RIMS1: variants seen among roughly 807,000 people sequenced by gnomAD.
RIMS1 encodes regulating synaptic membrane exocytosis 1.
In RIMS1, 83 loss-of-function variants were observed where a neutral mutation model predicts 214.1. The ratio of observed to expected loss-of-function variants is 0.39; its 90% CI spans 0.32 to 0.47. RIMS1 has a LOEUF of 0.47. Ranked by LOEUF, RIMS1 falls within the 20% of genes least tolerant of loss-of-function variation. RIMS1 has a pLI of 0.99. For missense variants in RIMS1, 2,050 were observed against 2,161.8 expected (o/e 0.95, Z 1.03); for synonymous variants, 793 against 786.8 (o/e 1.01, Z -0.13).
At chr6:72,225,487 G>A (rs574570196) in intron 6 of RIMS1, among the ~76,000 whole-genome samples, 16 of 152,210 alleles carry the variant, frequency 1.1e-4, no homozygotes, top group African/African-American at 3.6e-4. Context: ...CCTGGGTCTG[G>A]ATAAGGACTA....
At chr6:71,974,555 A>G (rs1796686453) in intron 2 of RIMS1, among the ~76,000 whole-genome samples, 1 of 152,184 alleles carries the variant, frequency 6.6e-6, no homozygotes, top group South Asian at 2.1e-4. Flanking sequence ...TCAGGCACAT[A>G]TGTTAGGGGG....
chr6:72,379,712 A>T (rs890978312), intron 29 of RIMS1, among the ~76,000 whole-genome samples: 4 of 152,168 alleles, frequency 2.6e-5, no homozygotes, highest in African/African-American at 9.7e-5. Flanking sequence ...ACTCAACCCT[A>T]TGAGCTAGGT....
chr6:71,970,528 G>A (rs1265214306), intron 2 of RIMS1, among the ~76,000 whole-genome samples: 1 of 152,118 alleles, frequency 6.6e-6, no homozygotes, highest in Admixed American at 6.5e-5. Context: ...TATTAGATAT[G>A]AACTAGCATT....
At chr6:72,006,388 A>C (rs1807646141) in intron 2 of RIMS1, among the ~76,000 whole-genome samples, 1 of 152,216 alleles carries the variant, frequency 6.6e-6, no homozygotes, top group Admixed American at 6.5e-5. Context: ...TCCAGTCTAC[A>C]GCTCCCAGCG....
chr6:71,886,863 C>T lies in RIMS1; in HGVS notation c.-161C>T, dbSNP rs1322905173. 5.6e-6 allele frequency: 4 copies of T among 716,876 alleles called. No homozygotes were observed. Among genetic ancestry groups the T allele is most frequent in the Non-Finnish European group, 9.4e-6 (4 of 427,480 alleles). The allele number at this position is 716,876 out of a possible 1,614,324, so 44.4% of individuals were successfully genotyped here. The stretch of plus-strand genomic sequence containing the variant: ...TGAAAGACTGGGTTCTCGCTCTCCC[C>T]GGCTCTGCTGCTGCTGCTGCTGCCG... On this transcript the variant is annotated 5_prime_UTR_variant, in exon 1 of 34. Transcript: ENST00000521978.
chr6:72,321,190 A>T (rs1053279912), intron 28 of RIMS1, among the ~76,000 whole-genome samples: 10 of 152,094 alleles, frequency 6.6e-5, no homozygotes, highest in African/African-American at 2.4e-4. Context: ...TAATACAACA[A>T]ATTAGTTGTA....
At chr6:71,971,163 T>C (rs548171190) in intron 2 of RIMS1, among the ~76,000 whole-genome samples, 1 of 152,328 alleles carries the variant, frequency 6.6e-6, no homozygotes, top group South Asian at 2.1e-4. Context: ...ATTGCATTAA[T>C]GGGTTTTAAT....
At chr6:72,057,762 C>T (rs1306251982) in intron 2 of RIMS1, among the ~76,000 whole-genome samples, 1 of 152,200 alleles carries the variant, frequency 6.6e-6, no homozygotes, top group Non-Finnish European at 1.5e-5. Context: ...CCGTCTCGGC[C>T]TCCCAAAGTG....
chr6:72,103,367 C>T (rs1195355414), intron 4 of RIMS1, among the ~76,000 whole-genome samples: 3 of 152,038 alleles, frequency 2.0e-5, no homozygotes, highest in African/African-American at 7.2e-5. Context: ...CTTTAAACTT[C>T]GTATGATTAT....
intron 6 of RIMS1, among the ~76,000 whole-genome samples, chr6:72,207,095 A>G (rs1201722945): frequency 6.6e-6 from 1 of 152,240 alleles, no homozygotes; most frequent in African/African-American, 2.4e-5. Flanking sequence ...GTCTGGTCCT[A>G]TAGGCAAGGT....
intron 19 of RIMS1, chr6:72,262,604 T>C: frequency 2.1e-6 from 2 of 944,966 alleles, no homozygotes; most frequent in Non-Finnish European, 2.5e-6. Context: ...CATGTATGTA[T>C]ATATAATCTC....
chr6:72,309,863 T>C (rs960925958), intron 27 of RIMS1, among the ~76,000 whole-genome samples: 4 of 152,042 alleles, frequency 2.6e-5, no homozygotes, highest in Non-Finnish European at 5.9e-5. Context: ...ACATCTCTAA[T>C]ATTTATATTA....
chr6:72,063,779 A>T (rs1828533660), intron 2 of RIMS1, among the ~76,000 whole-genome samples: 1 of 152,170 alleles, frequency 6.6e-6, no homozygotes, highest in African/African-American at 2.4e-5. Context: ...TATTCGTTTT[A>T]TCTGTAAAAA....
At chr6:71,971,030 A>T (rs989784537) in intron 2 of RIMS1, among the ~76,000 whole-genome samples, 11 of 152,096 alleles carry the variant, frequency 7.2e-5, no homozygotes, top group Admixed American at 5.9e-4. Context: ...TATTTTTTTT[A>T]AAAATAAAAG....
intron 2 of RIMS1, among the ~76,000 whole-genome samples, chr6:71,984,131 C>A (rs1799221875): frequency 1.3e-5 from 2 of 152,004 alleles, no homozygotes; most frequent in Non-Finnish European, 2.9e-5. Flanking sequence ...GTATTAGAGA[C>A]AAGGAAACTG....
intron 1 of RIMS1, among the ~76,000 whole-genome samples, chr6:71,893,788 T>A (rs1770724965): frequency 6.6e-6 from 1 of 152,198 alleles, no homozygotes; most frequent in Non-Finnish European, 1.5e-5. Context: ...ATGTTTCTGC[T>A]TCTGTTGCAA....
intron 4 of RIMS1, among the ~76,000 whole-genome samples, chr6:72,158,851 G>A (rs1344794816): frequency 7.1e-6 from 1 of 139,934 alleles, no homozygotes; most frequent in Non-Finnish European, 1.6e-5. Flanking sequence ...TATTGTGAAT[G>A]GTGTGGCAAT....
intron 29 of RIMS1, among the ~76,000 whole-genome samples, chr6:72,337,839 T>G (rs1400528525): frequency 6.7e-6 from 1 of 148,578 alleles, no homozygotes; most frequent in Non-Finnish European, 1.5e-5. Context: ...GAACATGCAG[T>G]GTTTGGTTTT....
chr6:72,254,576 C>T (rs1363228588), intron 16 of RIMS1, among the ~76,000 whole-genome samples: 2 of 152,138 alleles, frequency 1.3e-5, no homozygotes, highest in African/African-American at 2.4e-5. Flanking sequence ...GAATTTGCTT[C>T]GGTGAGTGGT....
Sources: allele counts gnomAD v4.1 joint callset (sites outside exome capture counted in the v4.1 genomes callset), GRCh38; gene constraint gnomAD v4.1.1; transcripts MANE v1.5; gene names NCBI Gene and HGNC (gene_info 2026-07-23, HGNC 2026-07-21).